The following CC2D1B variants were observed in gnomAD, a reference collection of about 807,000 sequenced individuals.
The protein encoded by CC2D1B is coiled-coil and C2 domain containing 1B.
In CC2D1B, 92 loss-of-function variants were observed where a neutral mutation model predicts 110.8. The observed-to-expected ratio is 0.83, with a 90% confidence interval of 0.70 to 0.99. The LOEUF is 0.99. Ranked by LOEUF, CC2D1B falls within the 50% of genes least tolerant of loss-of-function variation. The pLI, the probability that CC2D1B is intolerant of heterozygous loss-of-function variation, is 0.00. For synonymous variants in CC2D1B, 406 were observed against 429.2 expected, an observed-to-expected ratio of 0.95 and a Z score of 0.67; for missense variants, 1,136 against 1,089.0, an observed-to-expected ratio of 1.04 and a Z score of -0.61.
At position 52,359,025 on chromosome 1, in the gene CC2D1B, A is replaced by G. The variant is rs775342842; in HGVS notation, c.1257+2T>C. The G allele has an allele frequency of 6.2e-7, 1 of 1,605,422 alleles. No homozygotes were observed. Among genetic ancestry groups the G allele is most frequent in the Non-Finnish European group, 8.5e-7 (1 of 1,179,608 alleles). ...GCAGGGGCTGCATAGCCGCGGGCCC[A>G]CCTTGGCAATGCGCTCATGCATCCG... On this transcript the variant is annotated splice_donor_variant, in intron 11 of 24. Transcript: ENST00000284376. LOFTEE classifies it high-confidence loss of function.
At chr1:52,356,121 T>C in intron 18 of CC2D1B, 65 bp downstream of exon 18, 1 of 1,389,678 alleles carries the variant, frequency 7.2e-7, no homozygotes, top group Middle Eastern at 1.9e-4. Context: ...TAGCAGTCTC[T>C]GGCCTGGGCT....
At chr1:52,353,747 G>A in intron 23 of CC2D1B, 100 bp from the exon 24 acceptor site, 1 of 833,126 alleles carries the variant, frequency 1.2e-6, no homozygotes, top group East Asian at 2.7e-5. Context: ...GAGCTAAGAT[G>A]TCCTGTGGCA....
rs1177287706 is a variant in CC2D1B at position 52,351,229 on chromosome 1, C to T, written c.*1996G>A. The T allele has an allele frequency of 3.9e-5, 6 of 152,220 alleles. No homozygotes were observed. Among genetic ancestry groups the T allele is most frequent in the Non-Finnish European group, 8.8e-5 (6 of 68,042 alleles). 9.4% of individuals were successfully genotyped at this position (152,220 alleles called of 1,614,324 possible). On this transcript the variant is annotated 3_prime_UTR_variant, in exon 25 of 25. Transcript: ENST00000284376. ...GAGGTTCTGTTTTGAAAGAGCAAAGCAGCAGACTGAAATTGAATGGGTTGC... is the reference window on the plus strand; with the variant it reads ...GAGGTTCTGTTTTGAAAGAGCAAAGTAGCAGACTGAAATTGAATGGGTTGC...
chr1:52,361,234 CGTCA>C, intron 4 of CC2D1B, 102 bp from the exon 5 acceptor site: 1 of 1,422,208 alleles, frequency 7.0e-7, no homozygotes, highest in South Asian at 1.3e-5. Context: ...TATTCCCTAA[CGTCA>C]GTCACTGTGC....
chr1:52,353,481 G>C, intron 24 of CC2D1B, 37 bp downstream of exon 24: 1 of 1,576,064 alleles, frequency 6.3e-7, no homozygotes, highest in South Asian at 1.2e-5. Flanking sequence ...AGTAAAAGGA[G>C]GGGGCAAAGG....
rs767549690 is a variant in CC2D1B, at chr1:52,361,080, C to A, written c.371G>T (p.Gly124Val). The A allele has an allele frequency of 6.2e-7, 1 of 1,613,958 alleles. No homozygotes were observed. The highest frequency in any genetic ancestry group is 8.5e-7 in the Non-Finnish European group (1 of 1,180,002). Reference protein sequence around the residue: ...GVDEETEPLDGDEVADPGGSE... With the variant: ...GVDEETEPLDVDEVADPGGSE... ...GCCGCCTGGGTCAGCTACCTCATCA[C>A]CATCCAGGGGCTCAGTCTCCTCGTC... Residue 124 changes from glycine to valine, a missense_variant, in exon 5 of 25, where the codon GGT becomes GTT. By Grantham distance (109) the Gly-to-Val change is moderately radical. Coordinates refer to ENST00000284376, the MANE Select transcript of CC2D1B (RefSeq NM_001330585.2).
At chr1:52,362,834 A>C in intron 2 of CC2D1B, 88 bp from the exon 3 acceptor site, 1 of 1,357,918 alleles carries the variant, frequency 7.4e-7, no homozygotes, top group Non-Finnish European at 1.0e-6. Context: ...TCCAAGTCCC[A>C]ATCAGTGGCT....
At chr1:52,365,825 C>CT (rs942263705) in intron 1 of CC2D1B, among the ~76,000 whole-genome samples, 2 of 152,162 alleles carry the variant, frequency 1.3e-5, no homozygotes, top group African/African-American at 4.8e-5. Context: ...CCGGGGGACT[C>CT]TGAGTGTCAG....
At position 52,364,622 on chromosome 1, in the gene CC2D1B, G is replaced by A. The variant is rs140625965; in HGVS notation, c.-2C>T. On this transcript the variant is annotated 5_prime_UTR_variant, in exon 2 of 25. Transcript: ENST00000284376. ...CCGAGGTCTTGGCCCTGGCATCATG[G>A]CAGCCTAGATACCTATGGAAGAGTT... is the stretch of plus-strand genomic sequence containing the variant. The A allele has an allele frequency of 4.6e-5, 74 of 1,606,000 alleles. No individual in the cohort carries two copies. The African/African-American group carries it at 9.6e-4, about 21-fold the overall frequency.
chr1:52,356,260 G>T lies in CC2D1B; in HGVS notation c.1980C>A (p.Ile660=). The change falls in exon 18 of 25, where the codon ATC becomes ATA. Residue 660 remains isoleucine (I), a synonymous_variant. Transcript: ENST00000284376. ...LAQDRKKQLE[I]LQLAQAQGLD... ...GGCCCTGAGCCTGGGCCAGCTGCAG[G>T]ATCTCCAGCTGTTTCTTGCGGTCCT... The T allele has an allele frequency of 6.2e-7, 1 of 1,614,194 alleles. No individual in the cohort carries two copies. The highest frequency in any genetic ancestry group is 8.5e-7 in the Non-Finnish European group (1 of 1,180,032).
chr1:52,353,450 T>TA, intron 24 of CC2D1B, 68 bp downstream of exon 24: 6 of 1,546,278 alleles, frequency 3.9e-6, no homozygotes, highest in Non-Finnish European at 5.2e-6. Context: ...TCTCTCCAGA[T>TA]ATGAGTTGAG....
intron 11 of CC2D1B, 117 bp downstream of exon 11, chr1:52,358,910 A>G: frequency 6.7e-7 from 1 of 1,484,962 alleles, no homozygotes. Flanking sequence ...AGAGCCCCAG[A>G]GAGACAAACA....
chr1:52,354,327 T>C (rs1419586488), intron 23 of CC2D1B: 3 of 628,236 alleles, frequency 4.8e-6, no homozygotes, highest in Non-Finnish European at 3.0e-6. Context: ...GGACCTGAGT[T>C]TCCTCATTTG....
Position 52,359,698 on chromosome 1 carries a change from G to T in CC2D1B, c.942+7C>A. The T allele has an allele frequency of 1.3e-6, 2 of 1,592,486 alleles. No homozygotes were observed. The highest frequency in any genetic ancestry group is 1.7e-6 in the Non-Finnish European group (2 of 1,169,290). ...TGAGGGTGGGTGCCCTGAGCCAGAT[G>T]CCATACCTTCCCAATCCTCATGAGC... On this transcript the variant is annotated splice_region_variant and intron_variant, in intron 8 of 24. Transcript: ENST00000284376.
Position 52,359,364 on chromosome 1 carries a change from G to C in CC2D1B, c.1019-7C>G. ...GCCTGCTGGGGCTTCAGATCTGGGG[G>C]ACCCAGAGTAGAGGTGTAGGTGGGA... On this transcript the variant is annotated splice_region_variant and splice_polypyrimidine_tract_variant and intron_variant, in intron 9 of 24. Transcript: ENST00000284376. 1 of 1,612,816 alleles carries C rather than the reference G, an allele frequency of 6.2e-7. No individual in the cohort carries two copies. Among genetic ancestry groups the C allele is most frequent in the Non-Finnish European group, 8.5e-7 (1 of 1,179,244 alleles).
In CC2D1B at chr1:52,361,655, A is replaced by G. The variant is rs532972694; in HGVS notation, c.215-39T>C. On this transcript the variant is annotated intron_variant, in intron 3 of 24. Coordinates refer to ENST00000284376, the MANE Select transcript of CC2D1B (RefSeq NM_001330585.2). ...GTCACAACAAGTCAGCACAACTCAG[A>G]TAAGTTCAGGGATGAGTAAAGGAGG... 607 of 1,612,972 alleles carry G rather than the reference A, an allele frequency of 3.8e-4. 3 individuals are homozygous for G. In the South Asian group the frequency reaches 6.0e-3, roughly 16 times the overall value.
rs1325491468 is a variant in CC2D1B, at chr1:52,360,502, G to A, written c.525C>T (p.His175=). ...CACTGGCCGCAGCCTCTCGGTAGTTGTGAATCCGTTCCTCCAGCAAAGCGT... is the reference window on the plus strand; with the variant it reads ...CACTGGCCGCAGCCTCTCGGTAGTTATGAATCCGTTCCTCCAGCAAAGCGT... ...GLHALLEERI[H]NYREAAASAK... Residue 175 remains histidine (H), a synonymous_variant, in exon 6 of 25, where the codon CAC becomes CAT. Coordinates refer to ENST00000284376, the MANE Select transcript of CC2D1B (RefSeq NM_001330585.2). 1 of 1,614,130 alleles carries A rather than the reference G, an allele frequency of 6.2e-7. No homozygotes were observed. The highest frequency in any genetic ancestry group is 8.5e-7 in the Non-Finnish European group (1 of 1,180,040).
chr1:52,360,632 G>T, intron 5 of CC2D1B, 83 bp from the exon 6 acceptor site: 2 of 1,537,720 alleles, frequency 1.3e-6, no homozygotes, highest in Non-Finnish European at 1.8e-6. Context: ...TGCCCTAGAA[G>T]ATGGAGCTCT....
At position 52,356,343 on chromosome 1, in the gene CC2D1B, G is replaced by A. The variant is rs764567470; in HGVS notation, c.1937+41C>T. On this transcript the variant is annotated intron_variant, in intron 17 of 24. Transcript: ENST00000284376. The stretch of plus-strand genomic sequence containing the variant: ...ATGTCAGCATGATGGTGGATTTTCT[G>A]CTCCCCACCCTATGAGCCCAGCCCC... The A allele has an allele frequency of 1.9e-6, 3 of 1,613,776 alleles. No homozygotes were observed. In the Admixed American group the frequency reaches 5.0e-5, roughly 27 times the overall value.
Sources: gnomAD v4.1 joint callset for allele counts (sites outside exome capture counted in the v4.1 genomes callset) on GRCh38, gnomAD v4.1.1 for gene constraint, MANE v1.5 for transcripts, NCBI Gene and HGNC (gene_info 2026-07-23, HGNC 2026-07-21) for gene names.